PSMD2: variants seen among roughly 807,000 people sequenced by gnomAD.
PSMD2 encodes the protein proteasome 26S subunit ubiquitin receptor, non-ATPase 2.
In PSMD2, 8 loss-of-function variants were observed where a neutral mutation model predicts 101.5. The ratio of observed to expected loss-of-function variants is 0.08; its 90% CI spans 0.05 to 0.14. The LOEUF (loss-of-function observed/expected upper bound fraction) is 0.14. Ranked by LOEUF, PSMD2 falls within the 10% of genes least tolerant of loss-of-function variation. The pLI, the probability that PSMD2 is intolerant of heterozygous loss-of-function variation, is 1.00. For missense variants in PSMD2, 784 were observed against 1,147.4 expected, an observed-to-expected ratio of 0.68 and a Z score of 4.58; for synonymous variants, 418 against 433.8, an observed-to-expected ratio of 0.96 and a Z score of 0.45.
At chr3:184,300,912 C>T (rs907922072) in intron 3 of PSMD2, among the ~76,000 whole-genome samples, 4 of 152,060 alleles carry the variant, frequency 2.6e-5, no homozygotes, top group Non-Finnish European at 5.9e-5. Flanking sequence ...TGATCTTTCT[C>T]GGTTATAGGT....
intron 15 of PSMD2, 117 bp from the exon 16 acceptor site, chr3:184,306,634 T>G: frequency 1.3e-5 from 20 of 1,522,992 alleles, no homozygotes; most frequent in Non-Finnish European, 1.8e-5. Flanking sequence ...GTTCTGTATG[T>G]AAGGGGTAAA....
At position 184,302,524 on chromosome 3, in the gene PSMD2, G is replaced by A; in HGVS notation, c.859G>A (p.Asp287Asn). 6.2e-7 allele frequency: 1 copy of A among 1,614,044 alleles called. No individual in the cohort carries two copies. The highest frequency in any genetic ancestry group is 1.1e-5 in the South Asian group (1 of 91,068). ...LVEDIFTSCK[D>N]VVVQKQMAFM... is the part of the protein sequence containing the mutation. ...AGAAGACATCTTCACCTCCTGCAAG[G>A]ATGTGTATGTAGGGAAGAAGCTGGC... The change falls in exon 6 of 21, where the codon GAT becomes AAT. Residue 287 changes from aspartate to asparagine, a missense_variant. Asp to Asn is a conservative substitution (Grantham distance 23, BLOSUM62 1). This residue lies in a region of PSMD2 where 208 missense variants were observed against 301.6 expected (regional missense o/e 0.69). Coordinates refer to ENST00000310118, the MANE Select transcript of PSMD2 (RefSeq NM_002808.5).
intron 18 of PSMD2, 81 bp downstream of exon 18, chr3:184,307,789 G>A: frequency 6.2e-7 from 1 of 1,605,404 alleles, no homozygotes; most frequent in Non-Finnish European, 8.5e-7. Context: ...TGTTGGCCCA[G>A]GAGGAAAGAT....
chr3:184,300,798 G>T, intron 3 of PSMD2: 2 of 419,086 alleles, frequency 4.8e-6, no homozygotes, highest in Non-Finnish European at 6.7e-6. Context: ...CCCTAATCCT[G>T]GAAATGTTCA....
Position 184,303,581 on chromosome 3 carries a change from TATA to T in PSMD2, c.1217-57_1217-55del, listed in dbSNP as rs1319079471. ...CCATGCAGTTCTTTGGAGAGCTCTTTATAATAACAGGATCCTCAGGATAGGGCC... is the reference window on the plus strand; with the variant it reads ...CCATGCAGTTCTTTGGAGAGCTCTTTATAACAGGATCCTCAGGATAGGGCC... On this transcript the variant is annotated intron_variant, in intron 9 of 20. Coordinates refer to ENST00000310118, the MANE Select transcript of PSMD2 (RefSeq NM_002808.5). 7 of 1,610,268 alleles carry T rather than the reference TATA, an allele frequency of 4.3e-6. No individual in the cohort carries two copies. In the African/African-American group the frequency reaches 9.4e-5, roughly 22 times the overall value.
In PSMD2 at chr3:184,301,837, C is replaced by T. The variant is rs755469443; in HGVS notation, c.480-10C>T. On this transcript the variant is annotated splice_polypyrimidine_tract_variant and intron_variant, in intron 4 of 20. Coordinates refer to ENST00000310118, the MANE Select transcript of PSMD2 (RefSeq NM_002808.5). ...GCTGTGCTCTCTTAATCGTCTGGGACTATCTGTAGGCATCTGGCAGGAGAA... is the reference window on the plus strand; with the variant it reads ...GCTGTGCTCTCTTAATCGTCTGGGATTATCTGTAGGCATCTGGCAGGAGAA... The T allele has an allele frequency of 6.2e-7, 1 of 1,614,146 alleles. No homozygotes were observed. Among genetic ancestry groups the T allele is most frequent in the Non-Finnish European group, 8.5e-7 (1 of 1,180,010 alleles).
Position 184,308,110 on chromosome 3 carries a change from G to A in PSMD2, c.2425+94G>A. 6.7e-7 allele frequency: 1 copy of A among 1,491,664 alleles called. No individual in the cohort carries two copies. Among genetic ancestry groups the A allele is most frequent in the Non-Finnish European group, 9.1e-7 (1 of 1,100,636 alleles). The allele number at this position is 1,491,664 out of a possible 1,614,324, so 92.4% of individuals were successfully genotyped here. ...TTGATAATTTAGGTTCAAGACCCCA[G>A]TTTAGCTCTGTATCGCTCTAGGTTT... On this transcript the variant is annotated intron_variant, in intron 19 of 20. Transcript: ENST00000310118. This position sits in a 1 kb window ranked among gnomAD's most constrained non-coding sequence, Gnocchi z 6.0.
intron 6 of PSMD2, 21 bp downstream of exon 6, chr3:184,302,549 CAA>C: frequency 6.2e-7 from 1 of 1,613,096 alleles, no homozygotes. Flanking sequence ...AAGAAGCTGG[CAA>C]AGAGATAAGC....
intron 9 of PSMD2, 72 bp from the exon 10 acceptor site, chr3:184,303,571 G>C: frequency 6.2e-7 from 1 of 1,608,610 alleles, no homozygotes; most frequent in Non-Finnish European, 8.5e-7. Context: ...CAGTTCTTTG[G>C]AGAGCTCTTT....
Position 184,302,805 on chromosome 3 carries a change from C to T in PSMD2, c.990C>T (p.Phe330=). Residue 330 remains phenylalanine (F), a synonymous_variant, in exon 7 of 21, where the codon TTC becomes TTT. Transcript: ENST00000310118. The part of the protein sequence containing the change: ...IMSNVQLNSN[F]LALARELDIM... ...CCAATGTACAGCTCAACAGCAACTT[C>T]TTGGCCTTAGCTCGGGAGGTGAGAC... is the stretch of plus-strand genomic sequence containing the variant. 6.2e-7 allele frequency: 1 copy of T among 1,614,194 alleles called. No homozygotes were observed. Among genetic ancestry groups the T allele is most frequent in the Non-Finnish European group, 8.5e-7 (1 of 1,180,044 alleles).
chr3:184,306,580 G>T, intron 15 of PSMD2, 85 bp downstream of exon 15: 2 of 1,556,468 alleles, frequency 1.3e-6, no homozygotes, highest in Non-Finnish European at 1.7e-6. Context: ...TTTGCTTTAG[G>T]GCCTCTCTGG....
At chr3:184,300,131 G>A in intron 2 of PSMD2, 149 bp from the exon 3 acceptor site, 1 of 947,382 alleles carries the variant, frequency 1.1e-6, no homozygotes, top group Non-Finnish European at 1.6e-6. Flanking sequence ...TTGTTTTTGT[G>A]CCAGGCAGGG....
At position 184,306,830 on chromosome 3, in the gene PSMD2, A is replaced by T; in HGVS notation, c.2030A>T (p.His677Leu). 1 of 1,613,004 alleles carries T rather than the reference A, an allele frequency of 6.2e-7. No individual in the cohort carries two copies. The change falls in exon 16 of 21, where the codon CAC (histidine) becomes CTC (leucine). Residue 677 changes from histidine (H) to leucine (L), a missense_variant. His to Leu is a moderately conservative substitution (Grantham distance 99). This residue lies in a region of PSMD2 where 282 missense variants were observed against 437.6 expected (regional missense o/e 0.64). Coordinates refer to ENST00000310118, the MANE Select transcript of PSMD2 (RefSeq NM_002808.5). ...GAGATGGCATTACGAACCTTTGGCC[A>T]CTTGGTGAGTATAGCATGAAGAAAA... ...GAEMALRTFG[H>L]LLRYGEPTLR...
chr3:184,303,611 T>C, intron 9 of PSMD2, 32 bp from the exon 10 acceptor site: 1 of 1,613,484 alleles, frequency 6.2e-7, no homozygotes, highest in Non-Finnish European at 8.5e-7. Flanking sequence ...GATAGGGCCA[T>C]TTTAAGACTA....
At position 184,299,307 on chromosome 3, in the gene PSMD2, A is replaced by G; in HGVS notation, c.41A>G (p.Gln14Arg). 1 of 1,404,722 alleles carries G rather than the reference A, an allele frequency of 7.1e-7. No individual in the cohort carries two copies. The highest frequency in any genetic ancestry group is 1.5e-5 in the South Asian group (1 of 68,300). The allele number at this position is 1,404,722 out of a possible 1,614,324, so 87.0% of individuals were successfully genotyped here. The change falls in exon 1 of 21, where the codon CAG becomes CGG. Residue 14 changes from glutamine to arginine, a missense_variant. Transcript: ENST00000310118. Reference sequence around the variant, plus strand: ...CGGGACAAGGCGCCGGTGCAGCCCCAGCAGTCTCCAGCGGCGGCCCCCGGC... The same window carrying G: ...CGGGACAAGGCGCCGGTGCAGCCCCGGCAGTCTCCAGCGGCGGCCCCCGGC... The part of the protein sequence containing the change: ...GGRDKAPVQP[Q>R]QSPAAAPGGT...
intron 13 of PSMD2, 61 bp from the exon 14 acceptor site, chr3:184,305,993 A>G: frequency 6.2e-7 from 1 of 1,613,438 alleles, no homozygotes; most frequent in Non-Finnish European, 8.5e-7. Context: ...GGGAGGGTTT[A>G]TGTGTCAGGC....
intron 16 of PSMD2, 69 bp from the exon 17 acceptor site, chr3:184,307,288 G>T (rs768110513): frequency 1.2e-4 from 188 of 1,547,818 alleles, no homozygotes; most frequent in Non-Finnish European, 1.6e-4. Flanking sequence ...TTACCCATCA[G>T]TCCACTCCTG....
At chr3:184,303,526 G>A (rs1343772169) in intron 9 of PSMD2, 60 bp downstream of exon 9, 6 of 1,605,972 alleles carry the variant, frequency 3.7e-6, no homozygotes, top group Non-Finnish European at 5.1e-6. Flanking sequence ...TTGTCCTCTT[G>A]GAGTCATAAG....
rs149124368 is a variant in PSMD2 at position 184,303,958 on chromosome 3, T to C, written c.1335T>C (p.Leu445=). ...SSEDYIKSGA[L]LACGIVNSGV... ...TTTGCTCTTTGTAGTCAGGAGCTCT[T>C]CTTGCCTGTGGCATAGTGAACTCTG... Residue 445 remains leucine (L), a synonymous_variant, in exon 11 of 21, where the codon CTT becomes CTC. Transcript: ENST00000310118. The C allele has an allele frequency of 1.2e-6, 2 of 1,614,132 alleles. No homozygotes were observed. Among genetic ancestry groups the C allele is most frequent in the African/African-American group, 2.7e-5 (2 of 74,938 alleles).
Sources: gnomAD v4.1 joint callset for allele counts (sites outside exome capture counted in the v4.1 genomes callset) on GRCh38, gnomAD v4.1.1 for gene constraint, gnomAD v4.1.1 regional missense constraint, Gnocchi (gnomAD v3.1) non-coding constraint, MANE v1.5 for transcripts, NCBI Gene and HGNC (gene_info 2026-07-23, HGNC 2026-07-21) for gene names.